The following ASXL2 variants were observed in gnomAD, a reference collection of about 807,000 sequenced individuals.
ASXL2 encodes putative Polycomb group protein ASXL2.
In ASXL2, 23 loss-of-function variants were observed where a neutral mutation model predicts 122.0. The ratio of observed to expected loss-of-function variants is 0.19; its 90% confidence interval spans 0.14 to 0.27. The LOEUF (loss-of-function observed/expected upper bound fraction) is 0.27. ASXL2 is among the 10% of genes least tolerant of loss of function. ASXL2 has a pLI of 1.00. For synonymous variants in ASXL2, 650 were observed against 637.0 expected (o/e 1.02, Z -0.31); for missense variants, 1,518 against 1,713.8 (o/e 0.89, Z 2.02).
intron 1 of ASXL2, among the ~76,000 whole-genome samples, chr2:25,858,474 C>T (rs1472689996): frequency 1.3e-5 from 2 of 151,810 alleles, no homozygotes; most frequent in Admixed American, 6.6e-5. Flanking sequence ...CCTGTAATCC[C>T]AGCACTTTGG....
chr2:25,799,584 A>G (rs2088964590), intron 4 of ASXL2, 49 bp from the exon 5 acceptor site: 1 of 1,539,934 alleles, frequency 6.5e-7, no homozygotes, highest in African/African-American at 1.4e-5. Context: ...ATTTAAGCAA[A>G]CAGAAATTAA....
At chr2:25,813,776 C>T (rs1331957883) in intron 3 of ASXL2, among the ~76,000 whole-genome samples, 2 of 152,206 alleles carry the variant, frequency 1.3e-5, no homozygotes, top group Admixed American at 1.3e-4. Flanking sequence ...GTCGGCCGGG[C>T]GCAGTGGCTC....
In ASXL2 at chr2:25,878,232, T is replaced by A; in HGVS notation, c.-10A>T. 1.9e-6 allele frequency: 3 copies of A among 1,613,732 alleles called. No homozygotes were observed. Among genetic ancestry groups the A allele is most frequent in the Non-Finnish European group, 2.5e-6 (3 of 1,179,790 alleles). On this transcript the variant is annotated 5_prime_UTR_variant, in exon 1 of 13. Transcript: ENST00000435504. ...GTCCCTTTTCCCTCATGTCGGGTCT[T>A]GAACTGACTGGGAGGCTCCCGTGTC... is the stretch of plus-strand genomic sequence containing the variant.
Position 25,786,243 on chromosome 2 carries a change from C to CTTTTTT in ASXL2, c.403+13136_403+13141dup, listed in dbSNP as rs370316025. On this transcript the variant is annotated intron_variant, in intron 5 of 12. Coordinates refer to ENST00000435504, the MANE Select transcript of ASXL2 (RefSeq NM_018263.6). ...AAACAACCTACTACTCCACATCATT[C>CTTTTTT]TTTTTTTTTTTTTTTTGAGATGGAG... 3.1e-4 allele frequency among the ~76,000 whole-genome samples: 35 copies of CTTTTTT among 112,412 alleles called. 2 individuals are homozygous for CTTTTTT. The highest frequency in any genetic ancestry group is 5.3e-4 in the African/African-American group (14 of 26,190). The allele number at this position is 112,412 out of a possible 152,430, so 73.7% of individuals were successfully genotyped here. A position where few individuals can be genotyped will look rare whatever the true frequency, so the allele number is the denominator to read the frequency against.
At chr2:25,829,213 G>A (rs1250302923) in intron 3 of ASXL2, among the ~76,000 whole-genome samples, 1 of 152,004 alleles carries the variant, frequency 6.6e-6, no homozygotes, top group East Asian at 1.9e-4. Flanking sequence ...AGTGAGCTAT[G>A]ATCACACCAC....
chr2:25,822,633 TTC>T, intron 3 of ASXL2: 1 of 575,394 alleles, frequency 1.7e-6, no homozygotes, highest in South Asian at 1.5e-5. Context: ...GTTGATCTTT[TTC>T]ACAGTATTGA....
At chr2:25,800,386 G>A (rs965572894) in intron 4 of ASXL2, among the ~76,000 whole-genome samples, 1 of 152,196 alleles carries the variant, frequency 6.6e-6, no homozygotes, top group African/African-American at 2.4e-5. Context: ...CAATTACAGA[G>A]TAAGAGTCTA....
intron 5 of ASXL2, among the ~76,000 whole-genome samples, chr2:25,795,866 G>T (rs182335933): frequency 0.031 from 4,663 of 152,172 alleles, 112 homozygotes; most frequent in Non-Finnish European, 0.05. Flanking sequence ...TCAAAAATAC[G>T]TGCTTAGTGG....
At chr2:25,752,748 G>A (rs546352804) in intron 11 of ASXL2, among the ~76,000 whole-genome samples, 47 of 151,910 alleles carry the variant, frequency 3.1e-4, no homozygotes, top group Non-Finnish European at 6.2e-4. Flanking sequence ...TCAGGAGGCT[G>A]AGGCAGAATT....
At chr2:25,826,024 T>C (rs1361442619) in intron 3 of ASXL2, among the ~76,000 whole-genome samples, 1 of 152,194 alleles carries the variant, frequency 6.6e-6, no homozygotes, top group Non-Finnish European at 1.5e-5. Flanking sequence ...CAATGTCTTA[T>C]ACAAGCATAC....
chr2:25,858,282 A>G (rs1396007542), intron 1 of ASXL2, among the ~76,000 whole-genome samples: 1 of 152,140 alleles, frequency 6.6e-6, no homozygotes, highest in Non-Finnish European at 1.5e-5. Flanking sequence ...CCCTTATCCT[A>G]TATAGCGAAA....
rs1327580113 is a variant in ASXL2, at chr2:25,781,959, C to CTTTTTTTTTTTTT, written c.404-10420_404-10419insAAAAAAAAAAAAA. Among the ~76,000 whole-genome samples, 10 of 88,400 alleles carry CTTTTTTTTTTTTT rather than the reference C, an allele frequency of 1.1e-4. 3 individuals are homozygous for CTTTTTTTTTTTTT. Among genetic ancestry groups the CTTTTTTTTTTTTT allele is most frequent in the African/African-American group, 1.3e-4 (3 of 22,530 alleles). 58.0% of individuals were successfully genotyped at this position (88,400 alleles called of 152,430 possible). ...TAACAGGCGTGAGCCACCGCCCGGG[C>CTTTTTTTTTTTTT]TTTTTTCTTTTTTTTTTTTTTTTTT... is the stretch of plus-strand genomic sequence containing the variant. On this transcript the variant is annotated intron_variant, in intron 5 of 12. Coordinates refer to ENST00000435504, the MANE Select transcript of ASXL2 (RefSeq NM_018263.6).
chr2:25,829,729 G>A (rs897367492), intron 3 of ASXL2, among the ~76,000 whole-genome samples: 2 of 152,058 alleles, frequency 1.3e-5, no homozygotes, highest in Admixed American at 6.6e-5. Context: ...AATGACTTTC[G>A]TTGCAAGTTT....
intron 3 of ASXL2, among the ~76,000 whole-genome samples, chr2:25,829,547 T>C (rs1161427121): frequency 2.6e-5 from 4 of 152,200 alleles, no homozygotes; most frequent in African/African-American, 9.6e-5. Context: ...CAGCTAACAC[T>C]ACTTATTACA....
chr2:25,833,810 A>G (rs1408180312), intron 3 of ASXL2, among the ~76,000 whole-genome samples: 4 of 152,180 alleles, frequency 2.6e-5, no homozygotes, highest in African/African-American at 9.7e-5. Flanking sequence ...GGGCCAACCA[A>G]GTTCACTCTT....
At chr2:25,838,178 T>C (rs901409980) in intron 2 of ASXL2, among the ~76,000 whole-genome samples, 1 of 152,166 alleles carries the variant, frequency 6.6e-6, no homozygotes, top group African/African-American at 2.4e-5. Flanking sequence ...TACATAAATA[T>C]GTAGTAGCTA....
At chr2:25,815,069 C>T (rs1034620948) in intron 3 of ASXL2, among the ~76,000 whole-genome samples, 4 of 152,180 alleles carry the variant, frequency 2.6e-5, no homozygotes, top group Non-Finnish European at 4.4e-5. Flanking sequence ...CCTAGTCTGG[C>T]AGTGTTCCAG....
chr2:25,744,614 G>C lies in ASXL2; in HGVS notation c.1861-138C>G. On this transcript the variant is annotated intron_variant, in intron 12 of 12. Transcript: ENST00000435504. The surrounding 1 kb of genome is among the most constrained non-coding windows in gnomAD (Gnocchi z 4.7). ...ACAAACATGGGTGGTCTATGGCCGA[G>C]AGGCCAAACCTTGGAGACAGCAATA... 2.0e-6 allele frequency: 2 copies of C among 993,210 alleles called. No individual in the cohort carries two copies. Among genetic ancestry groups the C allele is most frequent in the Non-Finnish European group, 2.9e-6 (2 of 701,006 alleles). The allele number at this position is 993,210 out of a possible 1,614,324, so 61.5% of individuals were successfully genotyped here.
intron 1 of ASXL2, among the ~76,000 whole-genome samples, chr2:25,866,896 C>T (rs1474054211): frequency 6.6e-6 from 1 of 151,316 alleles, no homozygotes; most frequent in Admixed American, 6.6e-5. Context: ...CCACGTCCAG[C>T]TAATTTTTTT....
Sources: allele counts gnomAD v4.1 joint callset (sites outside exome capture counted in the v4.1 genomes callset), GRCh38; gene constraint gnomAD v4.1.1; non-coding constraint Gnocchi (gnomAD v3.1); transcripts MANE v1.5; gene names NCBI Gene and HGNC (gene_info 2026-07-23, HGNC 2026-07-21).